The following SDR42E1 variants were observed in gnomAD, a reference collection of about 807,000 sequenced individuals.
SDR42E1 encodes the protein short chain dehydrogenase/reductase family 42E, member 1, also known as short-chain dehydrogenase/reductase family 42E member 1.
Under a neutral mutation model 2.6 loss-of-function variants are expected in SDR42E1, and 5 were observed. That is an observed-to-expected ratio of 1.94 (90% CI 1.01 to 4.08). The LOEUF (loss-of-function observed/expected upper bound fraction) is 4.08. Among genes scored for constraint, SDR42E1 ranks in the 30% most tolerant of loss-of-function variants. The pLI, the probability that SDR42E1 is intolerant of heterozygous loss-of-function variation, is 0.00. For missense variants in SDR42E1, 596 were observed against 478.6 expected, an observed-to-expected ratio of 1.25 and a Z score of -2.29; for synonymous variants, 231 against 188.3, an observed-to-expected ratio of 1.23 and a Z score of -1.86.
intron 1 of SDR42E1, among the ~76,000 whole-genome samples, chr16:82,006,586 A>T (rs1169935761): frequency 2.6e-5 from 4 of 152,212 alleles, no homozygotes; most frequent in African/African-American, 9.6e-5. Flanking sequence ...TGAGGTCAGG[A>T]GTTTGAGACC....
In SDR42E1 at chr16:81,997,860, C is replaced by A. The variant is rs917827783; in HGVS notation, c.*1251G>T. 1 of 152,182 alleles carries A rather than the reference C, an allele frequency of 6.6e-6. No individual in the cohort carries two copies. The highest frequency in any genetic ancestry group is 2.4e-5 in the African/African-American group (1 of 41,448). 9.4% of individuals were successfully genotyped at this position (152,182 alleles called of 1,614,324 possible). On this transcript the variant is annotated 3_prime_UTR_variant, in exon 3 of 3. Coordinates refer to ENST00000328945, the MANE Select transcript of SDR42E1 (RefSeq NM_145168.3). ...TGGTATTATGACATCAAGTTCAGAG[C>A]TTTTCTGAAAATATCCAGGCAGCAT...
chr16:81,999,933 G>T lies in SDR42E1; in HGVS notation c.360C>A (p.Tyr120Ter). ...CQRRRVPRLV[Y>*]TSTFNVIFGG... ...CAAAGATGACATTGAAAGTGCTGGTGTAAACTAACCTGGGCACCCTTCTCC... is the reference window on the plus strand; with the variant it reads ...CAAAGATGACATTGAAAGTGCTGGTTTAAACTAACCTGGGCACCCTTCTCC... Residue 120 changes from tyrosine (Y) to a stop codon, truncating the protein, a stop_gained, in exon 3 of 3, where the codon TAC becomes TAA. Coordinates refer to ENST00000328945, the MANE Select transcript of SDR42E1 (RefSeq NM_145168.3). LOFTEE classifies it high-confidence loss of function. 1 of 1,614,208 alleles carries T rather than the reference G, an allele frequency of 6.2e-7. No homozygotes were observed.
In SDR42E1 at chr16:82,005,195, C is replaced by T. The variant is rs143850845; in HGVS notation, c.-26-4311G>A. On this transcript the variant is annotated intron_variant, in intron 1 of 2. Coordinates refer to ENST00000328945, the MANE Select transcript of SDR42E1 (RefSeq NM_145168.3). ...ATAGGTCAATCATGGTTCATGTGCA[C>T]ATTAATCAAGTAAGGAACATACAAC... Among the ~76,000 whole-genome samples, 24 of 152,264 alleles carry T rather than the reference C, an allele frequency of 1.6e-4. No individual in the cohort carries two copies. In the East Asian group the frequency reaches 4.6e-3, roughly 29 times the overall value.
intron 1 of SDR42E1, among the ~76,000 whole-genome samples, chr16:82,004,830 G>T (rs1912883853): frequency 6.6e-6 from 1 of 152,338 alleles, no homozygotes; most frequent in East Asian, 1.9e-4. Flanking sequence ...TTACCAGTGA[G>T]GACAAAAGGC....
Position 81,998,831 on chromosome 16 carries a change from A to G in SDR42E1, c.*280T>C. 2.5e-6 allele frequency: 1 copy of G among 403,020 alleles called. No homozygotes were observed. The highest frequency in any genetic ancestry group is 4.4e-6 in the Non-Finnish European group (1 of 227,076). The allele number at this position is 403,020 out of a possible 1,614,324, so 25.0% of individuals were successfully genotyped here. A position where few individuals can be genotyped will look rare whatever the true frequency, so the allele number is the denominator to read the frequency against. The stretch of plus-strand genomic sequence containing the variant: ...CAAGATGGGCATCTCCAACTCAACT[A>G]AGCCTACTTCTATGGCTCCAAACTG... On this transcript the variant is annotated 3_prime_UTR_variant, in exon 3 of 3. Transcript: ENST00000328945.
chr16:82,008,382 T>C (rs1913018050), intron 1 of SDR42E1, among the ~76,000 whole-genome samples: 1 of 152,212 alleles, frequency 6.6e-6, no homozygotes, highest in African/African-American at 2.4e-5. Flanking sequence ...TGCAACAGTT[T>C]GGAGGGCTCA....
chr16:81,989,466 C>A lies in SDR42E1; in HGVS notation c.*9645G>T, dbSNP rs949428195. The A allele has an allele frequency of 1.3e-5, 2 of 152,160 alleles. No individual in the cohort carries two copies. Among genetic ancestry groups the A allele is most frequent in the Non-Finnish European group, 2.9e-5 (2 of 68,036 alleles). 9.4% of individuals were successfully genotyped at this position (152,160 alleles called of 1,614,324 possible). Reference sequence around the variant, plus strand: ...CATCTATGCATTATTTGTATAGTTACTTTTAAATCTAAGTTACACAGAAGC... The same window carrying A: ...CATCTATGCATTATTTGTATAGTTAATTTTAAATCTAAGTTACACAGAAGC... On this transcript the variant is annotated 3_prime_UTR_variant, in exon 3 of 3. Coordinates refer to ENST00000328945, the MANE Select transcript of SDR42E1 (RefSeq NM_145168.3).
Position 81,999,837 on chromosome 16 carries a change from G to A in SDR42E1, c.456C>T (p.Tyr152=). The A allele has an allele frequency of 4.3e-6, 7 of 1,614,192 alleles. No individual in the cohort carries two copies. The highest frequency in any genetic ancestry group is 5.9e-6 in the Non-Finnish European group (7 of 1,180,036). ...YLPLHLHPDH[Y]SRTKSIAEQK... is the part of the protein sequence containing the mutation. Reference sequence around the variant, plus strand: ...GCTCTGCAATTGACTTTGTCCGAGAGTAGTGATCAGGGTGGAGGTGAAGAG... The same window carrying A: ...GCTCTGCAATTGACTTTGTCCGAGAATAGTGATCAGGGTGGAGGTGAAGAG... The change falls in exon 3 of 3, where the codon TAC becomes TAT. Residue 152 remains tyrosine, a synonymous_variant. Transcript: ENST00000328945.
chr16:82,003,545 G>C (rs1238308387), intron 1 of SDR42E1, among the ~76,000 whole-genome samples: 2 of 152,182 alleles, frequency 1.3e-5, no homozygotes, highest in African/African-American at 4.8e-5. Context: ...TTATCTTGAA[G>C]ATGCTGAGCC....
rs996353751 is a variant in SDR42E1 at position 81,993,682 on chromosome 16, C to G, written c.*5429G>C. ...ACCTGGCTGATAAGTGCATTCACCC[C>G]GTCAACAAGCATTTATTGGGCATAT... On this transcript the variant is annotated 3_prime_UTR_variant, in exon 3 of 3. Coordinates refer to ENST00000328945, the MANE Select transcript of SDR42E1 (RefSeq NM_145168.3). 1.3e-5 allele frequency: 2 copies of G among 152,062 alleles called. No homozygotes were observed. The highest frequency in any genetic ancestry group is 2.9e-5 in the Non-Finnish European group (2 of 68,010). 9.4% of individuals were successfully genotyped at this position (152,062 alleles called of 1,614,324 possible). A position where few individuals can be genotyped will look rare whatever the true frequency, so the allele number is the denominator to read the frequency against.
chr16:82,001,182 A>G (rs1010600104), intron 1 of SDR42E1, among the ~76,000 whole-genome samples: 6 of 152,240 alleles, frequency 3.9e-5, no homozygotes, highest in Admixed American at 1.3e-4. Context: ...CGTTTCGAAC[A>G]TAAGGCATTA....
rs1321862731 is a variant in SDR42E1, at chr16:81,999,819, A to C, written c.474T>G (p.Ile158Met). The C allele has an allele frequency of 6.2e-7, 1 of 1,614,216 alleles. No homozygotes were observed. The highest frequency in any genetic ancestry group is 8.5e-7 in the Non-Finnish European group (1 of 1,180,028). The change falls in exon 3 of 3, where the codon ATT becomes ATG. Residue 158 changes from isoleucine (I) to methionine (M), a missense_variant. Transcript: ENST00000328945. ...HPDHYSRTKSIAEQKVLEANA... is the reference protein window; with the variant it reads ...HPDHYSRTKSMAEQKVLEANA... Reference sequence around the variant, plus strand: ...TCGCCTCCAGCACCTTCTGCTCTGCAATTGACTTTGTCCGAGAGTAGTGAT... The same window carrying C: ...TCGCCTCCAGCACCTTCTGCTCTGCCATTGACTTTGTCCGAGAGTAGTGAT...
chr16:81,999,350 C>T lies in SDR42E1; in HGVS notation c.943G>A (p.Glu315Lys). 6.2e-7 allele frequency: 1 copy of T among 1,614,204 alleles called. No individual in the cohort carries two copies. Among genetic ancestry groups the T allele is most frequent in the South Asian group, 1.1e-5 (1 of 91,078 alleles). ...YNFQPFLTRTEVYKTGVTHYF... is the reference protein window; with the variant it reads ...YNFQPFLTRTKVYKTGVTHYF... Reference sequence around the variant, plus strand: ...TGTGTGACACCAGTTTTGTAAACTTCAGTGCGAGTGAGGAAGGGCTGGAAG... The same window carrying T: ...TGTGTGACACCAGTTTTGTAAACTTTAGTGCGAGTGAGGAAGGGCTGGAAG... Residue 315 changes from glutamate (E) to lysine (K), a missense_variant, in exon 3 of 3, where the codon GAA becomes AAA. Coordinates refer to ENST00000328945, the MANE Select transcript of SDR42E1 (RefSeq NM_145168.3).
At chr16:82,008,566 A>G (rs554203327) in intron 1 of SDR42E1, among the ~76,000 whole-genome samples, 1 of 152,312 alleles carries the variant, frequency 6.6e-6, no homozygotes, top group African/African-American at 2.4e-5. Context: ...TAGCAAAGAG[A>G]CTGATGGCAT....
At chr16:82,004,548 T>A (rs975693599) in intron 1 of SDR42E1, among the ~76,000 whole-genome samples, 2 of 152,212 alleles carry the variant, frequency 1.3e-5, no homozygotes, top group Non-Finnish European at 2.9e-5. Flanking sequence ...TTGCCCAGGC[T>A]ATAGTGCAGA....
rs1912590985 is a variant in SDR42E1, at chr16:81,998,089, G to C, written c.*1022C>G. 1 of 152,174 alleles carries C rather than the reference G, an allele frequency of 6.6e-6. No individual in the cohort carries two copies. The highest frequency in any genetic ancestry group is 6.5e-5 in the Admixed American group (1 of 15,282). The allele number at this position is 152,174 out of a possible 1,614,324, so 9.4% of individuals were successfully genotyped here. ...AACTGGATCATCTGTAACAGTTTGTGGGTGGCCAGACAGTGCTGCCATTGT... is the reference window on the plus strand; with the variant it reads ...AACTGGATCATCTGTAACAGTTTGTCGGTGGCCAGACAGTGCTGCCATTGT... On this transcript the variant is annotated 3_prime_UTR_variant, in exon 3 of 3. Transcript: ENST00000328945.
chr16:82,007,061 A>C (rs1217448000), intron 1 of SDR42E1, among the ~76,000 whole-genome samples: 1 of 152,250 alleles, frequency 6.6e-6, no homozygotes, highest in Non-Finnish European at 1.5e-5. Context: ...ATGACAAAGA[A>C]ATGAAATAAT....
At position 82,011,466 on chromosome 16, in the gene SDR42E1, G is replaced by A. The variant is rs1274668493; in HGVS notation, c.-106C>T. ...CTCCTAGCTACCCATCACCACAGCT[G>A]GGGCGCCGAAGCCGTCGGACCTGCC... is the stretch of plus-strand genomic sequence containing the variant. On this transcript the variant is annotated 5_prime_UTR_variant, in exon 1 of 3. Coordinates refer to ENST00000328945, the MANE Select transcript of SDR42E1 (RefSeq NM_145168.3). The A allele has an allele frequency of 6.6e-6, 1 of 152,326 alleles. No homozygotes were observed. Among genetic ancestry groups the A allele is most frequent in the Non-Finnish European group, 1.5e-5 (1 of 68,134 alleles). The allele number at this position is 152,326 out of a possible 1,614,324, so 9.4% of individuals were successfully genotyped here. A position where few individuals can be genotyped will look rare whatever the true frequency, so the allele number is the denominator to read the frequency against.
chr16:82,008,285 A>C (rs1326329030), intron 1 of SDR42E1, among the ~76,000 whole-genome samples: 1 of 152,242 alleles, frequency 6.6e-6, no homozygotes, highest in Non-Finnish European at 1.5e-5. Flanking sequence ...GGACTAATAC[A>C]GTAAATTGGC....
Sources: gnomAD v4.1 joint callset for allele counts (sites outside exome capture counted in the v4.1 genomes callset) on GRCh38, gnomAD v4.1.1 for gene constraint, MANE v1.5 for transcripts, NCBI Gene and HGNC (gene_info 2026-07-23, HGNC 2026-07-21) for gene names.